Variants in ADH5 observed in about 807,000 individuals in gnomAD.
The protein encoded by ADH5 is alcohol dehydrogenase 5 (class III), chi polypeptide.
Under a neutral mutation model 40.3 loss-of-function variants are expected in ADH5, and 32 were observed. The observed-to-expected ratio is 0.79, with a 90% CI of 0.60 to 1.07. The LOEUF (loss-of-function observed/expected upper bound fraction) is 1.07, where lower values mean the gene tolerates loss of function less well. Ranked by LOEUF, ADH5 falls within the 50% of genes least tolerant of loss-of-function variation. The pLI is 0.00. For missense variants in ADH5, 353 were observed against 460.5 expected (o/e 0.77, Z 2.14); for synonymous variants, 125 against 154.3 (o/e 0.81, Z 1.41).
intron 1 of ADH5, among the ~76,000 whole-genome samples, chr4:99,088,313 A>G (rs1728188109): frequency 6.6e-6 from 1 of 152,192 alleles, no homozygotes; most frequent in African/African-American, 2.4e-5. Flanking sequence ...TCTGCCAAGT[A>G]TGCAAGCTGC....
At chr4:99,074,520 G>A (rs1460905837) in intron 7 of ADH5, among the ~76,000 whole-genome samples, 5 of 152,216 alleles carry the variant, frequency 3.3e-5, no homozygotes, top group African/African-American at 1.2e-4. Flanking sequence ...TGCACTCCTG[G>A]AAAAATGAAT....
At chr4:99,082,147 A>C (rs1448422560) in intron 2 of ADH5, 31 bp from the exon 3 acceptor site, 5 of 1,607,510 alleles carry the variant, frequency 3.1e-6, no homozygotes, top group East Asian at 2.2e-5. Context: ...CGAATGTGTA[A>C]GTATGTGTGC....
At chr4:99,074,579 T>C (rs934681294) in intron 7 of ADH5, among the ~76,000 whole-genome samples, 2 of 152,232 alleles carry the variant, frequency 1.3e-5, no homozygotes, top group African/African-American at 4.8e-5. Flanking sequence ...CCATGGCTGA[T>C]ACTGCTGTTT....
intron 4 of ADH5, among the ~76,000 whole-genome samples, chr4:99,078,336 A>T (rs545403197): frequency 6.6e-6 from 1 of 152,362 alleles, no homozygotes; most frequent in East Asian, 1.9e-4. Context: ...TAGATTCAAG[A>T]GCAAATACAT....
At chr4:99,088,611 C>G in intron 1 of ADH5, 78 bp downstream of exon 1, 2 of 1,420,698 alleles carry the variant, frequency 1.4e-6, no homozygotes, top group Non-Finnish European at 1.9e-6. Flanking sequence ...GCCTCGCGCG[C>G]CCCCGAGGAT....
intron 1 of ADH5, among the ~76,000 whole-genome samples, chr4:99,088,224 A>C (rs569116935): frequency 2.0e-5 from 3 of 152,304 alleles, no homozygotes; most frequent in African/African-American, 7.2e-5. Flanking sequence ...CACTCCTTGG[A>C]GGCACAATAA....
chr4:99,084,287 A>G (rs957144516), intron 2 of ADH5, among the ~76,000 whole-genome samples: 4 of 152,208 alleles, frequency 2.6e-5, no homozygotes, highest in African/African-American at 7.2e-5. Flanking sequence ...GACCCTGCTG[A>G]TAAGACAGGC....
rs542011733 is a variant in ADH5, at chr4:99,084,017, T to G, written c.114+1098A>C. ...CCCTTGTCCGCCAGGGTGGGTGCAT[T>G]TTAAAGCTCTCTAAGCAAGCTGACT... is the stretch of plus-strand genomic sequence containing the variant. On this transcript the variant is annotated intron_variant, in intron 2 of 8. Transcript: ENST00000296412. Among the ~76,000 whole-genome samples the G allele has an allele frequency of 9.2e-4, 140 of 152,230 alleles. 5 individuals are homozygous for G. The South Asian group carries it at 0.028, about 31-fold the overall frequency.
At chr4:99,081,707 TTGA>T (rs1378222122) in intron 3 of ADH5, 20 of 548,106 alleles carry the variant, frequency 3.6e-5, no homozygotes, top group Non-Finnish European at 9.7e-6. Flanking sequence ...TCCTGCTTCA[TTGA>T]TGCATCTCTA....
At position 99,075,057 on chromosome 4, in the gene ADH5, C is replaced by T. The variant is rs368604169; in HGVS notation, c.826-8G>A. 1.9e-6 allele frequency: 3 copies of T among 1,594,642 alleles called. No individual in the cohort carries two copies. The East Asian group carries it at 6.8e-5, about 36-fold the overall frequency. On this transcript the variant is annotated splice_polypyrimidine_tract_variant and splice_region_variant and intron_variant, in intron 6 of 8. Transcript: ENST00000296412. The stretch of plus-strand genomic sequence containing the variant: ...TGCCTCAAGTGCTGCTCTCTGCAGG[C>T]ACAGAGATATGACCAAATCACAGAA...
intron 1 of ADH5, chr4:99,085,574 A>C (rs774514610): frequency 8.2e-5 from 29 of 352,042 alleles, no homozygotes; most frequent in Non-Finnish European, 1.3e-4. Context: ...CATGCTTAAC[A>C]TATGCCTGAA....
chr4:99,074,974 T>C lies in ADH5; in HGVS notation c.901A>G (p.Ile301Val), dbSNP rs1727895152. 1.2e-6 allele frequency: 2 copies of C among 1,613,090 alleles called. No individual in the cohort carries two copies. Among genetic ancestry groups the C allele is most frequent in the African/African-American group, 2.7e-5 (2 of 74,870 alleles). The change falls in exon 7 of 9, where the codon ATT becomes GTT. Residue 301 changes from isoleucine to valine, a missense_variant. Ile to Val is a conservative substitution (Grantham distance 29). Transcript: ENST00000296412. ...VVGVAASGEEIATRPFQLVTG... is the reference protein window; with the variant it reads ...VVGVAASGEEVATRPFQLVTG... ...ACCAGCTGGAATGGACGAGTGGCAA[T>C]TTCTTCACCTGAAGCAGCTACTCCA...
chr4:99,077,576 T>C (rs1372985120), intron 4 of ADH5, among the ~76,000 whole-genome samples: 1 of 152,184 alleles, frequency 6.6e-6, no homozygotes, highest in Non-Finnish European at 1.5e-5. Context: ...TCTATGCAAG[T>C]AGAGATTACA....
chr4:99,085,807 G>A (rs1456180955), intron 1 of ADH5, among the ~76,000 whole-genome samples: 2 of 152,188 alleles, frequency 1.3e-5, no homozygotes, highest in Non-Finnish European at 2.9e-5. Context: ...GGAGGACAAG[G>A]TGGGCAGATC....
rs776488021 is a variant in ADH5 at position 99,088,656 on chromosome 4, TG to T, written c.12+32del. 8 of 1,602,282 alleles carry T rather than the reference TG, an allele frequency of 5.0e-6. No homozygotes were observed. The African/African-American group carries it at 1.1e-4, about 22-fold the overall frequency. ...GTCCCATGCCATGCACTCCCTCCCT[TG>T]GACTCAGGGCCCTCCGCTCAACGGG... is the stretch of plus-strand genomic sequence containing the variant. On this transcript the variant is annotated intron_variant, in intron 1 of 8. Coordinates refer to ENST00000296412, the MANE Select transcript of ADH5 (RefSeq NM_000671.4).
At chr4:99,079,656 C>T (rs1020864303) in intron 4 of ADH5, among the ~76,000 whole-genome samples, 9 of 150,922 alleles carry the variant, frequency 6.0e-5, no homozygotes, top group African/African-American at 1.7e-4. Context: ...AAAAAAAAAA[C>T]GGAACACACA....
intron 1 of ADH5, among the ~76,000 whole-genome samples, chr4:99,086,914 T>C (rs1286565518): frequency 1.8e-5 from 2 of 111,978 alleles, no homozygotes; most frequent in South Asian, 5.8e-4. Context: ...CACTCCAGCC[T>C]GGGTGACAGA....
At chr4:99,074,711 C>T (rs1727890186) in intron 7 of ADH5, among the ~76,000 whole-genome samples, 1 of 152,078 alleles carries the variant, frequency 6.6e-6, no homozygotes, top group African/African-American at 2.4e-5. Flanking sequence ...AGGTGAGCAC[C>T]ACCCTCCCCC....
chr4:99,072,701 ACT>A lies in ADH5; in HGVS notation c.970_971del (p.Ser324CysfsTer10). 1.2e-6 allele frequency: 2 copies of A among 1,609,730 alleles called. No individual in the cohort carries two copies. The highest frequency in any genetic ancestry group is 1.7e-6 in the Non-Finnish European group (2 of 1,178,726). Reference protein sequence around the residue: ...WKGTAFGGWKSVESVPKLVSE... With the variant: ...WKGTAFGGWKXVESVPKLVSE... ...ACACCAACTTTGGGACACTTTCTAC[ACT>A]CTTCCATCCTAAAAGAAATCACACA... On this transcript the variant is annotated frameshift_variant, in exon 8 of 9. Transcript: ENST00000296412. LOFTEE classifies it high-confidence loss of function.
Sources: gnomAD v4.1 joint callset for allele counts (sites outside exome capture counted in the v4.1 genomes callset) on GRCh38, gnomAD v4.1.1 for gene constraint, MANE v1.5 for transcripts, NCBI Gene and HGNC (gene_info 2026-07-23, HGNC 2026-07-21) for gene names.